The following SRD5A2 variants were observed in gnomAD, a reference collection of about 807,000 sequenced individuals.
SRD5A2 encodes the protein 3-oxo-5-alpha-steroid 4-dehydrogenase 2.
Under a neutral mutation model 27.4 loss-of-function variants are expected in SRD5A2, and 30 were observed. That is an observed-to-expected ratio of 1.10 (90% CI 0.82 to 1.49). The LOEUF (loss-of-function observed/expected upper bound fraction) is 1.49. Ranked by LOEUF, SRD5A2 falls within the 40% of genes most tolerant of loss-of-function variation. The probability of loss-of-function intolerance (pLI) is 0.00; values close to 1 mark genes in which losing one functional copy is unlikely to be tolerated. For missense variants in SRD5A2, 348 were observed against 323.4 expected (o/e 1.08, Z -0.58); for synonymous variants, 141 against 133.6 (o/e 1.06, Z -0.38).
intron 1 of SRD5A2, among the ~76,000 whole-genome samples, chr2:31,555,217 G>A (rs1666470981): frequency 6.6e-6 from 1 of 151,340 alleles, no homozygotes; most frequent in South Asian, 2.1e-4. Flanking sequence ...AGACATTTTA[G>A]TCCAAGGACC....
At chr2:31,629,208 C>T in the SRD5A2 span, among the ~76,000 whole-genome samples, 80 of 152,232 alleles carry the variant, frequency 5.3e-4, no homozygotes, top group East Asian at 5.0e-3. Context: ...CTCTCTTCCA[C>T]GACCCATGGC....
At chr2:31,559,000 G>A (rs1011065180) in intron 1 of SRD5A2, among the ~76,000 whole-genome samples, 2 of 152,178 alleles carry the variant, frequency 1.3e-5, no homozygotes, top group Admixed American at 6.5e-5. Flanking sequence ...CATGAATTTA[G>A]GAGAGACATG....
the SRD5A2 span, among the ~76,000 whole-genome samples, chr2:31,589,027 G>C: frequency 2.0e-5 from 3 of 152,100 alleles, no homozygotes; most frequent in Admixed American, 1.3e-4. Flanking sequence ...AACTCTATGA[G>C]ACAGCCAAAA....
the SRD5A2 span, among the ~76,000 whole-genome samples, chr2:31,603,357 A>G: frequency 6.6e-6 from 1 of 152,132 alleles, no homozygotes; most frequent in African/African-American, 2.4e-5. Context: ...GTGAGGTACC[A>G]TCTCATGCCA....
the SRD5A2 span, among the ~76,000 whole-genome samples, chr2:31,593,806 T>C: frequency 6.6e-6 from 1 of 152,138 alleles, no homozygotes; most frequent in Non-Finnish European, 1.5e-5. Context: ...AATCATCAAG[T>C]AGTCTATAAA....
At chr2:31,640,232 A>G in the SRD5A2 span, among the ~76,000 whole-genome samples, 1 of 151,070 alleles carries the variant, frequency 6.6e-6, no homozygotes, top group Admixed American at 6.6e-5. Flanking sequence ...TTTCTGATAC[A>G]TTTTTGAATT....
chr2:31,596,100 T>C, the SRD5A2 span, among the ~76,000 whole-genome samples: 561 of 152,062 alleles, frequency 3.7e-3, 4 homozygotes, highest in African/African-American at 0.013. Flanking sequence ...CAACAATATA[T>C]TGATTGAGGA....
rs145180106 is a variant in SRD5A2 at position 31,523,761 on chromosome 2, G to A, written c.*2435C>T. 3.6e-3 allele frequency: 785 copies of A among 219,360 alleles called. 4 individuals are homozygous for A. The highest frequency in any genetic ancestry group is 0.016 in the African/African-American group (694 of 44,722). The allele number at this position is 219,360 out of a possible 1,614,324, so 13.6% of individuals were successfully genotyped here. ...TTGTTGCACCCTATTTTTAAAAGTG[G>A]GAAGAAATATGTTTAGAGATGAGCA... On this transcript the variant is annotated 3_prime_UTR_variant, in exon 5 of 5. Transcript: ENST00000622030.
At chr2:31,542,037 T>C (rs1371238588) in intron 1 of SRD5A2, among the ~76,000 whole-genome samples, 2 of 152,148 alleles carry the variant, frequency 1.3e-5, no homozygotes, top group Admixed American at 6.6e-5. Flanking sequence ...CCTGGGCAAG[T>C]CCTAGTGCTG....
At chr2:31,629,371 C>T in the SRD5A2 span, among the ~76,000 whole-genome samples, 44 of 152,236 alleles carry the variant, frequency 2.9e-4, no homozygotes, top group Admixed American at 3.9e-4. Context: ...AAGGACCACC[C>T]GGTAACATTT....
the SRD5A2 span, among the ~76,000 whole-genome samples, chr2:31,615,720 C>T: frequency 6.6e-6 from 1 of 152,106 alleles, no homozygotes; most frequent in East Asian, 1.9e-4. Flanking sequence ...TAATGAGGAG[C>T]CAAATGTTAA....
At chr2:31,662,754 A>G in the SRD5A2 span, among the ~76,000 whole-genome samples, 1 of 152,156 alleles carries the variant, frequency 6.6e-6, no homozygotes, top group Admixed American at 6.5e-5. Context: ...TTTGGCAGGA[A>G]TTAAAATCAA....
the SRD5A2 span, among the ~76,000 whole-genome samples, chr2:31,643,703 T>C: frequency 6.6e-6 from 1 of 152,094 alleles, no homozygotes; most frequent in Admixed American, 6.5e-5. Flanking sequence ...GCTCACAGAA[T>C]TATGTAAAAA....
chr2:31,568,841 G>A (rs1292597783), intron 1 of SRD5A2, among the ~76,000 whole-genome samples: 2 of 152,216 alleles, frequency 1.3e-5, no homozygotes, highest in Non-Finnish European at 2.9e-5. Flanking sequence ...TCTGGAGGGG[G>A]CCAAGGCGGC....
At chr2:31,602,774 C>A in the SRD5A2 span, among the ~76,000 whole-genome samples, 1 of 151,686 alleles carries the variant, frequency 6.6e-6, no homozygotes, top group Admixed American at 6.6e-5. Flanking sequence ...ATCATCTGAA[C>A]TTTGACAAAA....
chr2:31,547,513 T>C (rs1008344151), intron 1 of SRD5A2, among the ~76,000 whole-genome samples: 5 of 152,240 alleles, frequency 3.3e-5, no homozygotes, highest in Non-Finnish European at 7.3e-5. Context: ...AAATTCTTGA[T>C]CTGTCTTCTG....
chr2:31,630,248 G>A, the SRD5A2 span, among the ~76,000 whole-genome samples: 119 of 152,100 alleles, frequency 7.8e-4, 1 homozygote, highest in South Asian at 1.0e-2. Flanking sequence ...CTATGAAAAC[G>A]TAAGAGATTA....
At chr2:31,614,705 T>C in the SRD5A2 span, among the ~76,000 whole-genome samples, 1 of 152,192 alleles carries the variant, frequency 6.6e-6, no homozygotes, top group Non-Finnish European at 1.5e-5. Context: ...TGCCTGGATA[T>C]CCAGGCATTT....
intron 1 of SRD5A2, among the ~76,000 whole-genome samples, chr2:31,543,796 C>T (rs376086642): frequency 1.1e-4 from 17 of 152,132 alleles, no homozygotes; most frequent in Non-Finnish European, 1.3e-4. Context: ...GGGAGTTATA[C>T]GGTGTAGAGA....
Sources: allele counts gnomAD v4.1 joint callset (sites outside exome capture counted in the v4.1 genomes callset), GRCh38; gene constraint gnomAD v4.1.1; transcripts MANE v1.5; gene names NCBI Gene and HGNC (gene_info 2026-07-23, HGNC 2026-07-21).